Variants in SOCS7 observed in about 807,000 individuals in gnomAD.
SOCS7 encodes NAP-4.
In SOCS7, 18 loss-of-function variants were observed where a neutral mutation model predicts 58.9. That is an observed-to-expected ratio of 0.31 (90% confidence interval 0.21 to 0.45). The LOEUF (loss-of-function observed/expected upper bound fraction) is 0.45. SOCS7 is among the 20% of genes least tolerant of loss of function. The probability of loss-of-function intolerance (pLI) is 1.00; values close to 1 mark genes in which losing one functional copy is unlikely to be tolerated. For synonymous variants in SOCS7, 388 were observed against 364.3 expected, an observed-to-expected ratio of 1.06 and a Z score of -0.74; for missense variants, 667 against 837.3, an observed-to-expected ratio of 0.80 and a Z score of 2.51.
Position 38,353,045 on chromosome 17 carries a change from G to C in SOCS7, c.980+13G>C. The C allele has an allele frequency of 6.4e-7, 1 of 1,554,330 alleles. No individual in the cohort carries two copies. ...TGGACGCGGGGAGGTGAGACCGGCC[G>C]GGGGCTGGCCGACAAACTTCCTTTT... On this transcript the variant is annotated intron_variant, in intron 1 of 9. Coordinates refer to ENST00000612932, the MANE Select transcript of SOCS7 (RefSeq NM_014598.4).
At chr17:38,363,808 C>G (rs2037750616) in intron 2 of SOCS7, among the ~76,000 whole-genome samples, 1 of 151,880 alleles carries the variant, frequency 6.6e-6, no homozygotes, top group African/African-American at 2.4e-5. Context: ...TCATTCAGCC[C>G]TGAATTAAAA....
At chr17:38,387,133 G>GTGTATATATATATATATA (rs1269515665) in intron 7 of SOCS7, among the ~76,000 whole-genome samples, 4 of 73,486 alleles carry the variant, frequency 5.4e-5, no homozygotes, top group Admixed American at 3.2e-4. Flanking sequence ...ATATATGTAT[G>GTGTATATATATATATATA]TATATATATA....
At chr17:38,397,474 C>T (rs907984497) in intron 9 of SOCS7, among the ~76,000 whole-genome samples, 1 of 152,174 alleles carries the variant, frequency 6.6e-6, no homozygotes, top group African/African-American at 2.4e-5. Flanking sequence ...CCTCTAGGTC[C>T]CCTTGCCCAG....
intron 1 of SOCS7, among the ~76,000 whole-genome samples, chr17:38,358,281 A>G (rs2144315427): frequency 6.6e-6 from 1 of 152,352 alleles, no homozygotes; most frequent in South Asian, 2.1e-4. Context: ...ATGGGAATGT[A>G]GTATAGAGGG....
chr17:38,359,767 A>T (rs1480938442), intron 1 of SOCS7, among the ~76,000 whole-genome samples: 1 of 150,320 alleles, frequency 6.7e-6, no homozygotes, highest in Non-Finnish European at 1.5e-5. Context: ...TATTTTTTTA[A>T]AAAAATTTTT....
chr17:38,352,494 C>G lies in SOCS7; in HGVS notation c.442C>G (p.Pro148Ala). 1 of 1,535,948 alleles carries G rather than the reference C, an allele frequency of 6.5e-7. No individual in the cohort carries two copies. Among genetic ancestry groups the G allele is most frequent in the Non-Finnish European group, 8.8e-7 (1 of 1,140,220 alleles). ...AGTCGGTGGGGGTTGCTGCCCGTGT[C>G]CGTGTCCTCCTCAGCCGCCCCCTCC... ...KTVGGGCCPC[P>A]CPPQPPPPQP... The change falls in exon 1 of 10, where the codon CCG becomes GCG. Residue 148 changes from proline (P) to alanine (A), a missense_variant. This residue lies in a region of SOCS7 where 154 missense variants were observed against 156.3 expected (regional missense o/e 0.98). Transcript: ENST00000612932. This position sits in a 1 kb window ranked among gnomAD's most constrained non-coding sequence, Gnocchi z 5.5.
At chr17:38,382,704 C>T (rs1244174598) in intron 7 of SOCS7, among the ~76,000 whole-genome samples, 1 of 152,000 alleles carries the variant, frequency 6.6e-6, no homozygotes, top group African/African-American at 2.4e-5. Flanking sequence ...GGCCAGGCTG[C>T]CCTTAAACTC....
chr17:38,366,123 C>T, intron 4 of SOCS7, 164 bp from the exon 5 acceptor site: 1 of 1,253,074 alleles, frequency 8.0e-7, no homozygotes, highest in Non-Finnish European at 1.1e-6. Flanking sequence ...GCTTTTTGTT[C>T]CAGCCCATCC....
In SOCS7 at chr17:38,402,306, G is replaced by C. The variant is rs529254580; in HGVS notation, c.*2824G>C. On this transcript the variant is annotated 3_prime_UTR_variant, in exon 10 of 10. Transcript: ENST00000612932. ...AAGATGAGGGGGAGGCATGGGGCTG[G>C]GCCAGCTCTCTGGGATACAGCCTGG... is the stretch of plus-strand genomic sequence containing the variant. 4.7e-4 allele frequency: 72 copies of C among 152,684 alleles called. No individual in the cohort carries two copies. Among genetic ancestry groups the C allele is most frequent in the African/African-American group, 1.7e-3 (70 of 41,580 alleles). 9.5% of individuals were successfully genotyped at this position (152,684 alleles called of 1,614,324 possible). A position where few individuals can be genotyped will look rare whatever the true frequency, so the allele number is the denominator to read the frequency against.
chr17:38,363,429 A>G (rs1020196979), intron 2 of SOCS7, among the ~76,000 whole-genome samples: 1 of 152,134 alleles, frequency 6.6e-6, no homozygotes, highest in African/African-American at 2.4e-5. Flanking sequence ...TCGACCTCCT[A>G]GGCCCAAACG....
rs763453184 is a variant in SOCS7, at chr17:38,365,418, A to G, written c.1252+9A>G. The G allele has an allele frequency of 2.7e-5, 42 of 1,581,014 alleles. No individual in the cohort carries two copies. The East Asian group carries it at 9.3e-4, about 35-fold the overall frequency. On this transcript the variant is annotated intron_variant, in intron 4 of 9. Transcript: ENST00000612932. ...TCCACCCCATGCCCCAGGTTAGCTT[A>G]GTTTAGAGGCAAGACTTGTAAGAGT...
At chr17:38,369,674 CTT>C (rs11299884) in intron 6 of SOCS7, among the ~76,000 whole-genome samples, 22 of 125,910 alleles carry the variant, frequency 1.7e-4, no homozygotes, top group African/African-American at 1.5e-4. Context: ...TCTCCGATTA[CTT>C]TTTTTTTTTT....
intron 1 of SOCS7, 32 bp downstream of exon 1, chr17:38,353,064 T>TC: frequency 6.6e-7 from 1 of 1,513,368 alleles, no homozygotes; most frequent in Non-Finnish European, 8.8e-7. Flanking sequence ...CCGACAAACT[T>TC]CCTTTTCTTG....
intron 1 of SOCS7, among the ~76,000 whole-genome samples, chr17:38,356,009 C>T (rs6503542): frequency 0.11 from 17,125 of 151,984 alleles, 1,975 homozygotes; most frequent in African/African-American, 0.29. Context: ...TCAGCCTCCC[C>T]AGTAGCTGGG....
intron 7 of SOCS7, among the ~76,000 whole-genome samples, chr17:38,382,933 T>C (rs1039187607): frequency 6.6e-6 from 1 of 152,154 alleles, no homozygotes; most frequent in African/African-American, 2.4e-5. Flanking sequence ...GACAGTTTTT[T>C]GTTGTGGGGT....
At chr17:38,372,975 G>A (rs1429932009) in intron 6 of SOCS7, among the ~76,000 whole-genome samples, 1 of 151,998 alleles carries the variant, frequency 6.6e-6, no homozygotes, top group East Asian at 1.9e-4. Context: ...GTGTGGTGGC[G>A]CATGCCTATA....
chr17:38,394,798 C>G (rs2038224065), intron 7 of SOCS7, among the ~76,000 whole-genome samples: 1 of 152,212 alleles, frequency 6.6e-6, no homozygotes, highest in African/African-American at 2.4e-5. Context: ...GCCTGTAATC[C>G]TAGCACTTTG....
chr17:38,389,906 T>TATATATGTACATATATATATATGTAC (rs1555571102), intron 7 of SOCS7, among the ~76,000 whole-genome samples: 25 of 103,450 alleles, frequency 2.4e-4, no homozygotes, highest in Admixed American at 4.1e-4. Context: ...TATACACATA[T>TATATATGTACATATATATATATGTAC]AGAGAGAGAG....
intron 7 of SOCS7, among the ~76,000 whole-genome samples, chr17:38,390,337 T>C (rs368938889): frequency 1.3e-5 from 2 of 152,164 alleles, no homozygotes; most frequent in African/African-American, 4.8e-5. Context: ...CTTTTTGAGA[T>C]GGAAAAGTGT....
Sources: allele counts gnomAD v4.1 joint callset (sites outside exome capture counted in the v4.1 genomes callset), GRCh38; gene constraint gnomAD v4.1.1; regional missense constraint gnomAD v4.1.1; non-coding constraint Gnocchi (gnomAD v3.1); transcripts MANE v1.5; gene names NCBI Gene and HGNC (gene_info 2026-07-23, HGNC 2026-07-21).